Variants in SYT1 observed in about 807,000 individuals in gnomAD.
SYT1 encodes synaptotagmin 1.
SYT1 carries 8 observed loss-of-function variants against 44.8 expected under a neutral mutation model. That is an observed-to-expected ratio of 0.18 (90% CI 0.10 to 0.32). The LOEUF is 0.32. Ranked by LOEUF, SYT1 falls within the 10% of genes least tolerant of loss-of-function variation. The pLI is 1.00. For missense variants in SYT1, 286 were observed against 509.3 expected, an observed-to-expected ratio of 0.56 and a Z score of 4.22; for synonymous variants, 154 against 188.8, an observed-to-expected ratio of 0.82 and a Z score of 1.51.
intron 4 of SYT1, among the ~76,000 whole-genome samples, chr12:79,278,881 A>C (rs1022007027): frequency 1.3e-5 from 2 of 152,134 alleles, no homozygotes; most frequent in African/African-American, 4.8e-5. Flanking sequence ...GAACACCTCT[A>C]AGCAAACAAA....
intron 2 of SYT1, among the ~76,000 whole-genome samples, chr12:79,023,217 A>T (rs1475572487): frequency 6.6e-6 from 1 of 151,852 alleles, no homozygotes; most frequent in African/African-American, 2.4e-5. Flanking sequence ...CTTCTACCTG[A>T]ATATAAAAGA....
At chr12:78,992,180 G>T (rs1870063099) in intron 2 of SYT1, among the ~76,000 whole-genome samples, 1 of 152,186 alleles carries the variant, frequency 6.6e-6, no homozygotes, top group Admixed American at 6.5e-5. Context: ...GAATATCCAA[G>T]AGTTTTAGAA....
chr12:79,142,411 C>G (rs1415682162), intron 3 of SYT1, among the ~76,000 whole-genome samples: 3 of 152,014 alleles, frequency 2.0e-5, no homozygotes, highest in Admixed American at 1.3e-4. Flanking sequence ...CTGGGAGAGA[C>G]AAAATGTAGA....
intron 3 of SYT1, among the ~76,000 whole-genome samples, chr12:79,090,497 C>A (rs1047839030): frequency 6.6e-6 from 1 of 151,906 alleles, no homozygotes; most frequent in African/African-American, 2.4e-5. Context: ...CTGAAGAATT[C>A]GCCCCATCAG....
chr12:79,312,029 TA>T (rs1201755729), intron 8 of SYT1, among the ~76,000 whole-genome samples: 2 of 151,652 alleles, frequency 1.3e-5, no homozygotes, highest in Non-Finnish European at 2.9e-5. Flanking sequence ...AATAATAAAA[TA>T]AAAAATAAAA....
chr12:78,953,568 T>G (rs141364264), intron 1 of SYT1, among the ~76,000 whole-genome samples: 1 of 152,146 alleles, frequency 6.6e-6, no homozygotes, highest in East Asian at 1.9e-4. Context: ...TGAAAACTCA[T>G]GGAAATGGAA....
At chr12:79,125,128 T>A (rs1868362090) in intron 3 of SYT1, among the ~76,000 whole-genome samples, 1 of 152,160 alleles carries the variant, frequency 6.6e-6, no homozygotes, top group Non-Finnish European at 1.5e-5. Flanking sequence ...ATCCATCCAT[T>A]TTTTGGTAAG....
At chr12:79,135,550 G>A (rs550471274) in intron 3 of SYT1, among the ~76,000 whole-genome samples, 3 of 152,042 alleles carry the variant, frequency 2.0e-5, no homozygotes, top group East Asian at 1.9e-4. Context: ...TATGAAACAG[G>A]CTTGCACTTA....
chr12:79,202,364 C>A (rs1428213386), intron 3 of SYT1, among the ~76,000 whole-genome samples: 2 of 152,168 alleles, frequency 1.3e-5, no homozygotes, highest in Non-Finnish European at 2.9e-5. Context: ...TATAGGAAAT[C>A]TGTTCTTAAC....
chr12:78,956,302 C>A (rs1182655672), intron 1 of SYT1, among the ~76,000 whole-genome samples: 1 of 152,060 alleles, frequency 6.6e-6, no homozygotes. Context: ...GACAAATAAT[C>A]TGGAGACACA....
chr12:79,322,541 T>C (rs1300324404), intron 8 of SYT1, among the ~76,000 whole-genome samples: 2 of 152,196 alleles, frequency 1.3e-5, no homozygotes, highest in African/African-American at 4.8e-5. Context: ...ATATTATTAA[T>C]ATTGCCTCAC....
intron 8 of SYT1, among the ~76,000 whole-genome samples, chr12:79,310,013 C>T (rs112524114): frequency 2.6e-5 from 4 of 151,966 alleles, no homozygotes; most frequent in Non-Finnish European, 5.9e-5. Flanking sequence ...AGAAGCTCTT[C>T]AGTTTAATTA....
intron 3 of SYT1, among the ~76,000 whole-genome samples, chr12:79,143,481 G>A (rs998321871): frequency 3.9e-5 from 6 of 152,256 alleles, no homozygotes; most frequent in Admixed American, 2.0e-4. Context: ...CATTTTTGTA[G>A]GGAACTTTGA....
chr12:78,951,756 A>G (rs1878978941), intron 1 of SYT1, among the ~76,000 whole-genome samples: 1 of 152,130 alleles, frequency 6.6e-6, no homozygotes, highest in South Asian at 2.1e-4. Context: ...CAGATGAATG[A>G]CCAGATTTTT....
intron 3 of SYT1, among the ~76,000 whole-genome samples, chr12:79,198,940 C>A (rs1365831501): frequency 1.3e-5 from 2 of 152,082 alleles, no homozygotes; most frequent in Non-Finnish European, 2.9e-5. Context: ...CAGAGACAGG[C>A]ATGAAGAAGG....
intron 3 of SYT1, among the ~76,000 whole-genome samples, chr12:79,096,290 C>G (rs1447223454): frequency 1.3e-5 from 2 of 151,914 alleles, no homozygotes; most frequent in Non-Finnish European, 2.9e-5. Context: ...ATGTAAATTT[C>G]TTTTACAAAA....
intron 8 of SYT1, among the ~76,000 whole-genome samples, chr12:79,325,001 G>C (rs1187266390): frequency 6.6e-6 from 1 of 152,174 alleles, no homozygotes; most frequent in Non-Finnish European, 1.5e-5. Context: ...GTTATAAGTA[G>C]CCATCAGATT....
intron 3 of SYT1, among the ~76,000 whole-genome samples, chr12:79,086,262 A>G (rs1877373866): frequency 2.6e-5 from 4 of 152,058 alleles, no homozygotes; most frequent in Admixed American, 2.0e-4. Context: ...GGAGCTGTGT[A>G]TAGGTATATG....
At chr12:79,338,714 A>G (rs1032810750) in intron 8 of SYT1, among the ~76,000 whole-genome samples, 1 of 134,712 alleles carries the variant, frequency 7.4e-6, no homozygotes, top group African/African-American at 2.9e-5. Context: ...GTACATGTGC[A>G]CAATGTGCAG....
Sources: allele counts gnomAD v4.1 joint callset (sites outside exome capture counted in the v4.1 genomes callset), GRCh38; gene constraint gnomAD v4.1.1; transcripts MANE v1.5; gene names NCBI Gene and HGNC (gene_info 2026-07-23, HGNC 2026-07-21).